Variants in RYR2 observed in about 807,000 individuals in gnomAD.
The protein encoded by RYR2 is cardiac muscle ryanodine receptor-calcium release channel.
A neutral mutation model predicts 601.1 loss-of-function variants in RYR2; 227 were observed. That is an observed-to-expected ratio of 0.38 (90% CI 0.34 to 0.42). RYR2 has a LOEUF of 0.42. Ranked by LOEUF, RYR2 falls within the 10% of genes least tolerant of loss-of-function variation. The probability of loss-of-function intolerance (pLI) is 1.00; values close to 1 mark genes in which losing one functional copy is unlikely to be tolerated. For synonymous variants in RYR2, 2,223 were observed against 2,175.1 expected, an observed-to-expected ratio of 1.02 and a Z score of -0.61; for missense variants, 4,646 against 6,156.5, an observed-to-expected ratio of 0.75 and a Z score of 8.21.
At chr1:237,377,271 G>C in intron 7 of RYR2, 52 bp from the exon 8 acceptor site, 1 of 1,361,352 alleles carries the variant, frequency 7.3e-7, no homozygotes, top group Non-Finnish European at 1.0e-6. Flanking sequence ...AAAGAAAATA[G>C]ATTTTAATTA....
At chr1:237,793,802 A>G (rs537012808) in intron 94 of RYR2, 65 bp from the exon 95 acceptor site, 3 of 1,284,536 alleles carry the variant, frequency 2.3e-6, no homozygotes, top group Admixed American at 4.2e-5. Flanking sequence ...TTTTGTAAAG[A>G]TAGTGACCAC....
intron 101 of RYR2, among the ~76,000 whole-genome samples, chr1:237,824,523 G>T (rs1662877647): frequency 6.9e-6 from 1 of 144,934 alleles, no homozygotes; most frequent in Middle Eastern, 3.6e-3. Flanking sequence ...TTGATGGAAG[G>T]TATCTGAAAA....
intron 79 of RYR2, among the ~76,000 whole-genome samples, chr1:237,739,294 TA>T (rs929178289): frequency 6.6e-5 from 10 of 152,182 alleles, no homozygotes; most frequent in Non-Finnish European, 1.5e-5. Flanking sequence ...ACTTCCTCTT[TA>T]AAAAATCCTA....
rs77427159 is a variant in RYR2 at position 237,802,300 on chromosome 1, T to C, written c.14151+384T>C. On this transcript the variant is annotated intron_variant, in intron 98 of 104. Coordinates refer to ENST00000366574, the MANE Select transcript of RYR2 (RefSeq NM_001035.3). ...AAATTAAGTACATTAACTTATGGAGTTTTATTTTATTTTTTTTATTCTCCT... is the reference window on the plus strand; with the variant it reads ...AAATTAAGTACATTAACTTATGGAGCTTTATTTTATTTTTTTTATTCTCCT... 9.2e-3 allele frequency: 1,422 copies of C among 155,046 alleles called. 25 individuals carry two copies. The highest frequency in any genetic ancestry group is 0.033 in the African/African-American group (1,356 of 41,608). 9.6% of individuals were successfully genotyped at this position (155,046 alleles called of 1,614,324 possible).
chr1:237,633,506 G>T, intron 42 of RYR2, 72 bp from the exon 43 acceptor site: 2 of 1,574,464 alleles, frequency 1.3e-6, no homozygotes, highest in Non-Finnish European at 1.7e-6. Flanking sequence ...ATGTGATTGA[G>T]ACCTCAACGT....
At chr1:237,806,056 T>C (rs557004528) in intron 98 of RYR2, 81 bp from the exon 99 acceptor site, 1 of 1,236,026 alleles carries the variant, frequency 8.1e-7, no homozygotes, top group African/African-American at 1.5e-5. Flanking sequence ...TTTCTGTTCC[T>C]GGCTTATTTT....
intron 62 of RYR2, among the ~76,000 whole-genome samples, chr1:237,684,271 C>G (rs935951043): frequency 2.0e-5 from 3 of 152,010 alleles, no homozygotes; most frequent in Non-Finnish European, 4.4e-5. Flanking sequence ...CTATGTACGG[C>G]AAGCTGTCTG....
chr1:237,346,657 T>C (rs1471277370), intron 3 of RYR2, among the ~76,000 whole-genome samples: 5 of 151,990 alleles, frequency 3.3e-5, no homozygotes, highest in Non-Finnish European at 7.4e-5. Flanking sequence ...ACTGGGAGAG[T>C]TCTGCCTAAT....
intron 3 of RYR2, among the ~76,000 whole-genome samples, chr1:237,350,935 T>C (rs1698785533): frequency 6.6e-6 from 1 of 152,010 alleles, no homozygotes; most frequent in Non-Finnish European, 1.5e-5. Flanking sequence ...TTGACATTTA[T>C]AGAACACAGC....
rs572891123 is a variant in RYR2 at position 237,539,336 on chromosome 1, A to G, written c.2906+8826A>G. 3.3e-5 allele frequency among the ~76,000 whole-genome samples: 5 copies of G among 152,314 alleles called. No homozygotes were observed. In the East Asian group the frequency reaches 9.6e-4, roughly 29 times the overall value. On this transcript the variant is annotated intron_variant, in intron 25 of 104. Coordinates refer to ENST00000366574, the MANE Select transcript of RYR2 (RefSeq NM_001035.3). ...TTGCTTTTGTGTAACTATTAGAAAT[A>G]TGGTCGATTCCTACACGCAACCCTT...
chr1:237,775,986 C>A (rs1026109278), intron 87 of RYR2, among the ~76,000 whole-genome samples: 11 of 152,134 alleles, frequency 7.2e-5, no homozygotes, highest in Non-Finnish European at 1.5e-4. Context: ...GAGGGTTGGC[C>A]AAACAACTTT....
At chr1:237,806,408 G>A (rs1051661550) in intron 99 of RYR2, 125 bp downstream of exon 99, 1 of 890,942 alleles carries the variant, frequency 1.1e-6, no homozygotes, top group Non-Finnish European at 1.7e-6. Flanking sequence ...GGGAGGGTCT[G>A]CACCTGTTCT....
intron 1 of RYR2, among the ~76,000 whole-genome samples, chr1:237,154,994 G>A (rs1204037379): frequency 6.6e-6 from 1 of 152,028 alleles, no homozygotes; most frequent in African/African-American, 2.4e-5. Flanking sequence ...AGCTTCAGAT[G>A]CCACTGGGCG....
At chr1:237,128,546 G>A (rs1671795562) in intron 1 of RYR2, among the ~76,000 whole-genome samples, 1 of 152,224 alleles carries the variant, frequency 6.6e-6, no homozygotes, top group Non-Finnish European at 1.5e-5. Context: ...AGAGGTGGCA[G>A]TGCAGATTGT....
At chr1:237,766,598 G>A (rs996134504) in intron 84 of RYR2, among the ~76,000 whole-genome samples, 1 of 152,152 alleles carries the variant, frequency 6.6e-6, no homozygotes, top group African/African-American at 2.4e-5. Flanking sequence ...GAGTCTCAAG[G>A]CAGGGAGATC....
At chr1:237,168,910 A>G (rs1228507135) in intron 1 of RYR2, among the ~76,000 whole-genome samples, 12 of 152,188 alleles carry the variant, frequency 7.9e-5, no homozygotes, top group Non-Finnish European at 5.9e-5. Context: ...GGCCATTTGA[A>G]ACAATATGGT....
chr1:237,092,717 A>T (rs2148470876), intron 1 of RYR2, among the ~76,000 whole-genome samples: 1 of 152,054 alleles, frequency 6.6e-6, no homozygotes, highest in South Asian at 2.1e-4. Context: ...TTTAGTTGAG[A>T]TGGGAGTTTC....
intron 11 of RYR2, among the ~76,000 whole-genome samples, chr1:237,420,413 G>A (rs557938059): frequency 2.6e-5 from 4 of 152,168 alleles, no homozygotes; most frequent in Admixed American, 6.5e-5. Flanking sequence ...AGTAAATATC[G>A]ATAATACGTA....
At chr1:237,551,832 T>A (rs1381175723) in intron 27 of RYR2, among the ~76,000 whole-genome samples, 1 of 152,196 alleles carries the variant, frequency 6.6e-6, no homozygotes, top group East Asian at 1.9e-4. Flanking sequence ...TATTATTTAA[T>A]CCTCACAGTA....
Sources: allele counts gnomAD v4.1 joint callset (sites outside exome capture counted in the v4.1 genomes callset), GRCh38; gene constraint gnomAD v4.1.1; transcripts MANE v1.5; gene names NCBI Gene and HGNC (gene_info 2026-07-23, HGNC 2026-07-21).